Variants in TMEM74 observed in about 807,000 individuals in gnomAD.
TMEM74 encodes transmembrane protein 74.
TMEM74 carries 13 observed loss-of-function variants against 18.1 expected under a neutral mutation model. That is an observed-to-expected ratio of 0.72 (90% CI 0.47 to 1.14). The LOEUF is 1.14. TMEM74 is among the 50% of genes most tolerant of loss of function. The probability of loss-of-function intolerance (pLI) is 0.00; values close to 1 mark genes in which losing one functional copy is unlikely to be tolerated. For synonymous variants in TMEM74, 159 were observed against 146.6 expected (o/e 1.08, Z -0.61); for missense variants, 372 against 375.9 (o/e 0.99, Z 0.09).
At chr8:108,726,121 G>A (rs970545307) in intron 1 of TMEM74, among the ~76,000 whole-genome samples, 1 of 152,114 alleles carries the variant, frequency 6.6e-6, no homozygotes, top group South Asian at 2.1e-4. Flanking sequence ...GAGACCCGGG[G>A]TAAAATCCCT....
chr8:108,700,898 G>T (rs1813329158), intron 1 of TMEM74, among the ~76,000 whole-genome samples: 1 of 151,188 alleles, frequency 6.6e-6, no homozygotes, highest in Non-Finnish European at 1.5e-5. Flanking sequence ...TAGTGATACA[G>T]AGCTTTTTGA....
At chr8:108,632,558 A>C (rs952368481) in intron 2 of TMEM74, among the ~76,000 whole-genome samples, 3 of 152,054 alleles carry the variant, frequency 2.0e-5, no homozygotes, top group Non-Finnish European at 4.4e-5. Context: ...CCATGATTAA[A>C]TAAAAATTAC....
At chr8:108,682,955 A>C (rs1813130804) in intron 1 of TMEM74, among the ~76,000 whole-genome samples, 1 of 151,982 alleles carries the variant, frequency 6.6e-6, no homozygotes, top group Non-Finnish European at 1.5e-5. Context: ...TTAAGGAATA[A>C]AGAAAAGACT....
intron 1 of TMEM74, among the ~76,000 whole-genome samples, chr8:108,688,328 A>C (rs527238649): frequency 8.5e-5 from 13 of 152,328 alleles, no homozygotes; most frequent in Non-Finnish European, 1.6e-4. Flanking sequence ...GCTTTCTTAG[A>C]TACTGCCCTT....
At chr8:108,745,538 G>A (rs961305135) in intron 1 of TMEM74, among the ~76,000 whole-genome samples, 1 of 152,028 alleles carries the variant, frequency 6.6e-6, no homozygotes, top group African/African-American at 2.4e-5. Context: ...TTTGTCCCAC[G>A]GGTTGTAATT....
At chr8:108,663,025 T>A (rs1812915481) in intron 1 of TMEM74, among the ~76,000 whole-genome samples, 1 of 152,094 alleles carries the variant, frequency 6.6e-6, no homozygotes, top group Admixed American at 6.6e-5. Flanking sequence ...CTTTTTCGGT[T>A]CCATATGAAT....
chr8:108,767,484 T>C (rs1016716856), intron 1 of TMEM74, among the ~76,000 whole-genome samples: 1 of 152,194 alleles, frequency 6.6e-6, no homozygotes, highest in Non-Finnish European at 1.5e-5. Context: ...AGGATCCATT[T>C]TGAGAACATT....
chr8:108,711,439 C>T lies in TMEM74; in HGVS notation n.120-56002G>A, dbSNP rs117552248. Among the ~76,000 whole-genome samples the T allele has an allele frequency of 5.3e-5, 8 of 152,322 alleles. No individual in the cohort carries two copies. In the East Asian group the frequency reaches 1.5e-3, roughly 29 times the overall value. On this transcript the variant is annotated intron_variant and non_coding_transcript_variant, in intron 1 of 3. Coordinates refer to the TMEM74 transcript ENST00000518838. ...CATCCCTAGGTGTTAGCACAGGTGCCACCTCAGTTCCTTCTTAACTGATCT... is the reference window on the plus strand; with the variant it reads ...CATCCCTAGGTGTTAGCACAGGTGCTACCTCAGTTCCTTCTTAACTGATCT...
In TMEM74 at chr8:108,637,214, T is replaced by A. The variant is rs566971723; in HGVS notation, n.264+18079A>T. On this transcript the variant is annotated intron_variant and non_coding_transcript_variant, in intron 2 of 3. Coordinates refer to the TMEM74 transcript ENST00000518838. ...TTAATCTTCACAATAAGCTTATAAATCAGAAAGGCCAAATAGCACTTTTCC... is the reference window on the plus strand; with the variant it reads ...TTAATCTTCACAATAAGCTTATAAAACAGAAAGGCCAAATAGCACTTTTCC... Among the ~76,000 whole-genome samples the A allele has an allele frequency of 2.0e-5, 3 of 152,102 alleles. No homozygotes were observed. In the South Asian group the frequency reaches 6.2e-4, roughly 32 times the overall value.
At chr8:108,787,360 C>T (rs1184799304) in intron 1 of TMEM74, 116 bp downstream of exon 1, 1 of 152,254 alleles carries the variant, frequency 6.6e-6, no homozygotes, top group Non-Finnish European at 1.5e-5. Context: ...ATGTGTCCGC[C>T]TAGTACTCGG....
intron 1 of TMEM74, among the ~76,000 whole-genome samples, chr8:108,756,608 A>AAAG: frequency 4.5e-5 from 3 of 66,558 alleles, no homozygotes; most frequent in African/African-American, 2.4e-4. Context: ...GAAAGGAAGG[A>AAAG]AGGAAGGAAG....
intron 2 of TMEM74, among the ~76,000 whole-genome samples, chr8:108,617,232 G>A (rs1402749152): frequency 6.6e-6 from 1 of 151,880 alleles, no homozygotes; most frequent in East Asian, 1.9e-4. Flanking sequence ...ATGTGGGTGA[G>A]GTTTACTCTT....
chr8:108,656,942 C>G (rs926932861), intron 1 of TMEM74, among the ~76,000 whole-genome samples: 1 of 151,954 alleles, frequency 6.6e-6, no homozygotes, highest in Non-Finnish European at 1.5e-5. Flanking sequence ...TTTCCAGAAG[C>G]CATTTTTATA....
chr8:108,616,113 A>G (rs866626174), intron 2 of TMEM74, among the ~76,000 whole-genome samples: 1 of 152,068 alleles, frequency 6.6e-6, no homozygotes, highest in African/African-American at 2.4e-5. Flanking sequence ...GAAAGTAGAC[A>G]TGATCTTAGG....
chr8:108,705,762 A>G lies in TMEM74; in HGVS notation n.120-50325T>C, dbSNP rs554989925. 6.0e-4 allele frequency among the ~76,000 whole-genome samples: 91 copies of G among 152,370 alleles called. 1 individual carries two copies. Among genetic ancestry groups the G allele is most frequent in the African/African-American group, 2.1e-3 (89 of 41,584 alleles). Reference sequence around the variant, plus strand: ...TAACACACATGAGTTGTATTATACCAAATCTAATGCTCCATATTTGGAAGA... The same window carrying G: ...TAACACACATGAGTTGTATTATACCGAATCTAATGCTCCATATTTGGAAGA... On this transcript the variant is annotated intron_variant and non_coding_transcript_variant, in intron 1 of 3. Transcript: ENST00000518838.
intron 2 of TMEM74, among the ~76,000 whole-genome samples, chr8:108,646,895 T>A (rs1383532204): frequency 6.6e-6 from 1 of 152,182 alleles, no homozygotes; most frequent in African/African-American, 2.4e-5. Context: ...CATTGGAGAA[T>A]AACACAGGGG....
chr8:108,697,179 A>G (rs955201804), intron 1 of TMEM74, among the ~76,000 whole-genome samples: 2 of 152,116 alleles, frequency 1.3e-5, no homozygotes, highest in Non-Finnish European at 2.9e-5. Flanking sequence ...TGCACACTGG[A>G]TTCCTAACTG....
At chr8:108,659,093 A>G (rs1481968818) in intron 1 of TMEM74, among the ~76,000 whole-genome samples, 2 of 152,132 alleles carry the variant, frequency 1.3e-5, no homozygotes, top group African/African-American at 4.8e-5. Flanking sequence ...TAAAGAAAGG[A>G]GTTAAATGTG....
chr8:108,653,552 C>T (rs904263226), intron 2 of TMEM74, among the ~76,000 whole-genome samples: 1 of 152,042 alleles, frequency 6.6e-6, no homozygotes, highest in Non-Finnish European at 1.5e-5. Flanking sequence ...AGGAATTAGC[C>T]CAAAACCACA....
Sources: allele counts gnomAD v4.1 joint callset (sites outside exome capture counted in the v4.1 genomes callset), GRCh38; gene constraint gnomAD v4.1.1; transcripts MANE v1.5; gene names NCBI Gene and HGNC (gene_info 2026-07-23, HGNC 2026-07-21).